Variants in LRRC2 observed in about 807,000 individuals in gnomAD.
The protein encoded by LRRC2 is leucine-rich repeat-containing protein 2.
LRRC2 carries 27 observed loss-of-function variants against 40.2 expected under a neutral mutation model. That is an observed-to-expected ratio of 0.67 (90% CI 0.49 to 0.93). The LOEUF is 0.93. Among genes scored for constraint, LRRC2 ranks in the 40% least tolerant of loss-of-function variants. LRRC2 has a pLI of 0.00. For synonymous variants in LRRC2, 147 were observed against 158.9 expected, an observed-to-expected ratio of 0.92 and a Z score of 0.56; for missense variants, 402 against 439.6, an observed-to-expected ratio of 0.91 and a Z score of 0.76.
At chr3:46,519,097 T>C in intron 8 of LRRC2, 34 bp from the exon 9 acceptor site, 1 of 1,468,084 alleles carries the variant, frequency 6.8e-7, no homozygotes, top group Non-Finnish European at 9.5e-7. Flanking sequence ...GCTCAATCAT[T>C]CACCATTTTA....
rs191640553 is a variant in LRRC2 at position 46,555,887 on chromosome 3, T to A, written c.-19-4277A>T. On this transcript the variant is annotated intron_variant, in intron 1 of 8. Coordinates refer to ENST00000395905, the MANE Select transcript of LRRC2 (RefSeq NM_024512.5). The stretch of plus-strand genomic sequence containing the variant: ...TTATTTTAGAGAAAATATACTGACA[T>A]ATTCTGGTTTCCTTCAACTGAGGAT... Among the ~76,000 whole-genome samples the A allele has an allele frequency of 4.5e-3, 681 of 152,346 alleles. 3 individuals are homozygous for A. Among genetic ancestry groups the A allele is most frequent in the South Asian group, 0.01 (49 of 4,822 alleles).
intron 4 of LRRC2, among the ~76,000 whole-genome samples, chr3:46,537,017 C>T (rs150879450): frequency 2.6e-4 from 39 of 152,298 alleles, no homozygotes; most frequent in Admixed American, 1.2e-3. Flanking sequence ...TGCTGCCAAC[C>T]ACTGGATTCC....
At chr3:46,539,813 G>A (rs1704346704) in intron 3 of LRRC2, among the ~76,000 whole-genome samples, 1 of 152,168 alleles carries the variant, frequency 6.6e-6, no homozygotes, top group Non-Finnish European at 1.5e-5. Context: ...AAGTGTTCTG[G>A]GATAAAACTG....
chr3:46,550,689 C>T (rs1704625635), intron 2 of LRRC2, among the ~76,000 whole-genome samples: 1 of 152,188 alleles, frequency 6.6e-6, no homozygotes, highest in Non-Finnish European at 1.5e-5. Flanking sequence ...CTGCGCCCAG[C>T]CCCTACACAT....
intron 1 of LRRC2, among the ~76,000 whole-genome samples, chr3:46,559,869 G>A (rs1247623779): frequency 1.3e-5 from 2 of 152,164 alleles, no homozygotes; most frequent in East Asian, 1.9e-4. Context: ...TAAAAAGCAG[G>A]AAAAGAAGTT....
intron 4 of LRRC2, among the ~76,000 whole-genome samples, chr3:46,535,942 T>C (rs1704261684): frequency 6.6e-6 from 1 of 152,128 alleles, no homozygotes; most frequent in Non-Finnish European, 1.5e-5. Flanking sequence ...ATTTTACAGA[T>C]GAGGAAACTG....
intron 2 of LRRC2, among the ~76,000 whole-genome samples, chr3:46,549,898 C>G (rs1704606401): frequency 6.6e-6 from 1 of 152,234 alleles, no homozygotes; most frequent in African/African-American, 2.4e-5. Context: ...GGGCTGAGAG[C>G]TACTTTGGGC....
At chr3:46,538,632 C>T (rs894123081) in intron 4 of LRRC2, among the ~76,000 whole-genome samples, 1 of 151,744 alleles carries the variant, frequency 6.6e-6, no homozygotes, top group Non-Finnish European at 1.5e-5. Context: ...GAAACTCCGT[C>T]TCAAGGAAAA....
At chr3:46,520,295 G>T (rs12486039) in intron 8 of LRRC2, among the ~76,000 whole-genome samples, 102,482 of 150,874 alleles carry the variant, frequency 0.68, 35,374 homozygotes, top group East Asian at 0.97. Flanking sequence ...TTCTTTCTTG[G>T]AGTTTTACAT....
intron 3 of LRRC2, among the ~76,000 whole-genome samples, chr3:46,543,949 G>T (rs559836438): frequency 7.6e-6 from 1 of 131,430 alleles, no homozygotes; most frequent in Admixed American, 7.7e-5. Flanking sequence ...GAATATTCAT[G>T]CACTTCATCC....
intron 1 of LRRC2, chr3:46,558,663 C>T (rs1030043613): frequency 6.6e-6 from 1 of 152,244 alleles, no homozygotes; most frequent in East Asian, 1.9e-4. Flanking sequence ...TTCCTGATCG[C>T]TGGGCTCCCT....
rs139959175 is a variant in LRRC2, at chr3:46,565,270, T to A, written c.-20+907A>T. Among the ~76,000 whole-genome samples, 316 of 152,280 alleles carry A rather than the reference T, an allele frequency of 2.1e-3. 1 individual carries two copies. Among genetic ancestry groups the A allele is most frequent in the Non-Finnish European group, 3.6e-3 (245 of 68,026 alleles). ...TACCCACTCTCTGGCCACATGTCCC[T>A]GAGAACACAGCCTAACCTCTCTGAG... On this transcript the variant is annotated intron_variant, in intron 1 of 8. Coordinates refer to ENST00000395905, the MANE Select transcript of LRRC2 (RefSeq NM_024512.5).
chr3:46,529,711 A>G (rs929600953), intron 6 of LRRC2, among the ~76,000 whole-genome samples, 194 bp downstream of exon 6: 1 of 152,254 alleles, frequency 6.6e-6, no homozygotes, highest in African/African-American at 2.4e-5. Flanking sequence ...GCACGTAAAC[A>G]CATACATGTA....
intron 6 of LRRC2, among the ~76,000 whole-genome samples, chr3:46,529,248 T>C (rs577902938): frequency 6.6e-6 from 1 of 152,150 alleles, no homozygotes; most frequent in East Asian, 1.9e-4. Context: ...ACTTACATGA[T>C]AATTCTTATT....
rs2106969764 is a variant in LRRC2 at position 46,518,967 on chromosome 3, A to T, written c.*47T>A. The stretch of plus-strand genomic sequence containing the variant: ...TATGACATGATCATAACAAAGATTT[A>T]TATATAGCTCCAGAGAATAGTGAGA... On this transcript the variant is annotated 3_prime_UTR_variant, in exon 9 of 9. Transcript: ENST00000395905. 1 of 1,273,290 alleles carries T rather than the reference A, an allele frequency of 7.9e-7. No individual in the cohort carries two copies. Among genetic ancestry groups the T allele is most frequent in the Non-Finnish European group, 1.1e-6 (1 of 869,932 alleles). The allele number at this position is 1,273,290 out of a possible 1,614,324, so 78.9% of individuals were successfully genotyped here. A position where few individuals can be genotyped will look rare whatever the true frequency, so the allele number is the denominator to read the frequency against.
chr3:46,546,967 G>C (rs1230372552), intron 2 of LRRC2, among the ~76,000 whole-genome samples: 2 of 152,088 alleles, frequency 1.3e-5, no homozygotes, highest in African/African-American at 4.8e-5. Flanking sequence ...GTCTGGCTTT[G>C]AAAGGAAAAC....
rs548852093 is a variant in LRRC2, at chr3:46,557,101, G to A, written c.-19-5491C>T. ...CCATCGAATCCCCTGTGACTTGCAC[G>A]TATATGCCAAGATGGCCTGAAGTAA... is the stretch of plus-strand genomic sequence containing the variant. On this transcript the variant is annotated intron_variant, in intron 1 of 8. Transcript: ENST00000395905. Among the ~76,000 whole-genome samples the A allele has an allele frequency of 4.6e-5, 7 of 152,274 alleles. No homozygotes were observed. The South Asian group carries it at 6.2e-4, about 14-fold the overall frequency.
intron 1 of LRRC2, among the ~76,000 whole-genome samples, chr3:46,561,243 A>T (rs758984364): frequency 2.0e-5 from 3 of 152,024 alleles, no homozygotes; most frequent in Non-Finnish European, 4.4e-5. Context: ...GGTATGGTGA[A>T]AAAGGGGCAG....
intron 1 of LRRC2, among the ~76,000 whole-genome samples, chr3:46,551,859 C>CACGATCATA (rs1704663899): frequency 1.3e-5 from 2 of 148,174 alleles, no homozygotes; most frequent in African/African-American, 5.0e-5. Context: ...AATGCAGTGG[C>CACGATCATA]ACGATCATAG....
Sources: gnomAD v4.1 joint callset for allele counts (sites outside exome capture counted in the v4.1 genomes callset) on GRCh38, gnomAD v4.1.1 for gene constraint, MANE v1.5 for transcripts, NCBI Gene and HGNC (gene_info 2026-07-23, HGNC 2026-07-21) for gene names.